PDE10A: variants seen among roughly 807,000 people sequenced by gnomAD.
PDE10A encodes the protein phosphodiesterase 10A.
In PDE10A, 39 loss-of-function variants were observed where a neutral mutation model predicts 97.7. The ratio of observed to expected loss-of-function variants is 0.40; its 90% confidence interval spans 0.31 to 0.52. The LOEUF (loss-of-function observed/expected upper bound fraction) is 0.52, where lower values mean the gene tolerates loss of function less well. Ranked by LOEUF, PDE10A falls within the 20% of genes least tolerant of loss-of-function variation. The pLI is 0.56. For missense variants in PDE10A, 731 were observed against 1,047.8 expected (o/e 0.70, Z 4.17); for synonymous variants, 371 against 376.8 (o/e 0.98, Z 0.18).
intron 1 of PDE10A, among the ~76,000 whole-genome samples, chr6:165,970,366 G>A (rs1448430245): frequency 1.3e-5 from 2 of 152,296 alleles, no homozygotes; most frequent in East Asian, 3.9e-4. Context: ...CCTGATTTTG[G>A]TAGTTGTAAG....
At chr6:165,637,412 TA>T (rs1788927830) in intron 1 of PDE10A, among the ~76,000 whole-genome samples, 1 of 152,160 alleles carries the variant, frequency 6.6e-6, no homozygotes, top group Non-Finnish European at 1.5e-5. Flanking sequence ...TAGGTGTCCT[TA>T]ACGTGCAAGG....
chr6:165,487,826 A>C (rs1397902978), intron 2 of PDE10A, among the ~76,000 whole-genome samples: 2 of 152,236 alleles, frequency 1.3e-5, no homozygotes, highest in East Asian at 3.9e-4. Context: ...ATCTTACAGG[A>C]ATTTCAGGTT....
At chr6:165,743,722 A>G (rs1327012806) in intron 1 of PDE10A, among the ~76,000 whole-genome samples, 1 of 152,258 alleles carries the variant, frequency 6.6e-6, no homozygotes, top group African/African-American at 2.4e-5. Flanking sequence ...CATGTACTGC[A>G]TTAGCAGCAA....
intron 1 of PDE10A, among the ~76,000 whole-genome samples, chr6:165,724,929 A>G (rs2128449397): frequency 6.6e-6 from 1 of 152,306 alleles, no homozygotes; most frequent in African/African-American, 2.4e-5. Context: ...GGGGGCTCGC[A>G]AGTGCTGGGT....
intron 1 of PDE10A, among the ~76,000 whole-genome samples, chr6:165,845,711 G>A (rs1780398647): frequency 6.6e-6 from 1 of 152,144 alleles, no homozygotes; most frequent in Non-Finnish European, 1.5e-5. Context: ...AAAGCTATCT[G>A]GAATCAACTG....
At chr6:165,557,460 CTT>C (rs1784313069) in intron 1 of PDE10A, among the ~76,000 whole-genome samples, 2 of 152,176 alleles carry the variant, frequency 1.3e-5, no homozygotes, top group African/African-American at 4.8e-5. Flanking sequence ...TATTTAAAGA[CTT>C]TAAAAATTAT....
At chr6:165,602,763 G>C (rs1263499826) in intron 1 of PDE10A, among the ~76,000 whole-genome samples, 1 of 152,076 alleles carries the variant, frequency 6.6e-6, no homozygotes, top group Non-Finnish European at 1.5e-5. Context: ...GCTCAGGAGG[G>C]TCTCACACCT....
At position 165,466,017 on chromosome 6, in the gene PDE10A, C is replaced by G. The variant is rs186185084; in HGVS notation, c.1024-15655G>C. ...GGACAGAACGATCATGGCTGATTAT[C>G]AGGACTGTCCCTGGACAATGAATTC... On this transcript the variant is annotated intron_variant, in intron 3 of 21. Transcript: ENST00000539869. 3.9e-4 allele frequency among the ~76,000 whole-genome samples: 59 copies of G among 152,280 alleles called. No individual in the cohort carries two copies. The East Asian group carries it at 0.011, about 28-fold the overall frequency.
chr6:165,365,504 C>A (rs866227618), intron 18 of PDE10A, among the ~76,000 whole-genome samples: 2 of 152,134 alleles, frequency 1.3e-5, no homozygotes, highest in East Asian at 1.9e-4. Flanking sequence ...AAGACCAGCA[C>A]TGGCAACATA....
At chr6:165,802,725 C>T (rs532635886) in intron 1 of PDE10A, among the ~76,000 whole-genome samples, 3 of 152,310 alleles carry the variant, frequency 2.0e-5, no homozygotes, top group African/African-American at 2.4e-5. Context: ...TTGATATCTA[C>T]CTCTGTCTCC....
chr6:165,941,642 C>T (rs118082111), intron 1 of PDE10A, among the ~76,000 whole-genome samples: 1 of 152,190 alleles, frequency 6.6e-6, no homozygotes, highest in Non-Finnish European at 1.5e-5. Flanking sequence ...CCCCACTCTC[C>T]CTTGCTCCTG....
At chr6:165,948,744 T>A (rs1783859188) in intron 1 of PDE10A, 1 of 152,420 alleles carries the variant, frequency 6.6e-6, no homozygotes, top group Non-Finnish European at 1.5e-5. Context: ...GAATCCTACA[T>A]GAATGCCAAG....
intron 18 of PDE10A, among the ~76,000 whole-genome samples, chr6:165,353,835 C>T (rs752292724): frequency 6.6e-6 from 1 of 152,160 alleles, no homozygotes; most frequent in East Asian, 1.9e-4. Context: ...AGAAGGTACA[C>T]ATCATTAAGC....
intron 1 of PDE10A, among the ~76,000 whole-genome samples, chr6:165,619,682 G>A (rs1235814219): frequency 1.4e-5 from 2 of 147,878 alleles, no homozygotes; most frequent in Non-Finnish European, 3.0e-5. Context: ...GTGTAGTCTA[G>A]TGTAGTGTAG....
chr6:165,845,332 T>C lies in PDE10A; in HGVS notation c.-615+142197A>G, dbSNP rs188719558. On this transcript the variant is annotated intron_variant, in intron 1 of 19. Transcript: ENST00000366882. Reference sequence around the variant, plus strand: ...TAAAAAATTATCACAAATGGCAATCTAACTGAATAGAAAGGAAAAAAATAG... The same window carrying C: ...TAAAAAATTATCACAAATGGCAATCCAACTGAATAGAAAGGAAAAAAATAG... 2.0e-4 allele frequency among the ~76,000 whole-genome samples: 31 copies of C among 152,326 alleles called. No homozygotes were observed. In the East Asian group the frequency reaches 5.0e-3, roughly 25 times the overall value.
intron 1 of PDE10A, among the ~76,000 whole-genome samples, chr6:165,688,122 T>C (rs1007373039): frequency 2.6e-5 from 4 of 152,246 alleles, no homozygotes; most frequent in African/African-American, 7.2e-5. Flanking sequence ...CACATTTTCC[T>C]ATGGTAAAAG....
chr6:165,899,613 G>C (rs1782049322), intron 1 of PDE10A, among the ~76,000 whole-genome samples: 1 of 152,190 alleles, frequency 6.6e-6, no homozygotes, highest in African/African-American at 2.4e-5. Context: ...CATGCTGAAT[G>C]ACTGACTGAA....
At chr6:165,749,739 T>C (rs973210450) in intron 1 of PDE10A, among the ~76,000 whole-genome samples, 1 of 152,254 alleles carries the variant, frequency 6.6e-6, no homozygotes, top group African/African-American at 2.4e-5. Context: ...TTTCATCTTC[T>C]AAATTCCTGC....
chr6:165,834,709 C>T (rs1461189014), intron 1 of PDE10A, among the ~76,000 whole-genome samples: 2 of 148,618 alleles, frequency 1.3e-5, no homozygotes, highest in East Asian at 1.9e-4. Flanking sequence ...CTGGAGGCAG[C>T]GACTCCAGGT....
Sources: gnomAD v4.1 joint callset for allele counts (sites outside exome capture counted in the v4.1 genomes callset) on GRCh38, gnomAD v4.1.1 for gene constraint, MANE v1.5 for transcripts, NCBI Gene and HGNC (gene_info 2026-07-23, HGNC 2026-07-21) for gene names.